Variants in TNR observed in about 807,000 individuals in gnomAD.
TNR encodes tenascin-R.
A neutral mutation model predicts 150.4 loss-of-function variants in TNR; 45 were observed. The ratio of observed to expected loss-of-function variants is 0.30; its 90% CI spans 0.24 to 0.38. The LOEUF (loss-of-function observed/expected upper bound fraction) is 0.38. TNR is among the 10% of genes least tolerant of loss of function. The pLI, the probability that TNR is intolerant of heterozygous loss-of-function variation, is 1.00. For missense variants in TNR, 1,544 were observed against 1,759.1 expected (o/e 0.88, Z 2.19); for synonymous variants, 687 against 678.4 (o/e 1.01, Z -0.20).
intron 2 of TNR, among the ~76,000 whole-genome samples, chr1:175,464,841 T>C (rs369579849): frequency 2.0e-4 from 31 of 152,276 alleles, no homozygotes; most frequent in African/African-American, 6.3e-4. Flanking sequence ...TCTAGTACCC[T>C]GGAGGGGACA....
intron 2 of TNR, among the ~76,000 whole-genome samples, chr1:175,429,944 A>G (rs1004811084): frequency 1.3e-5 from 2 of 151,920 alleles, no homozygotes; most frequent in East Asian, 1.9e-4. Flanking sequence ...ATCACAGCAC[A>G]CTCGCCTGCC....
intron 1 of TNR, among the ~76,000 whole-genome samples, chr1:175,570,169 T>C (rs1401603195): frequency 6.6e-6 from 1 of 152,204 alleles, no homozygotes; most frequent in African/African-American, 2.4e-5. Context: ...CCCGCTCCTT[T>C]TGTGTGGAGA....
chr1:175,448,652 G>A (rs928425906), intron 2 of TNR, among the ~76,000 whole-genome samples: 1 of 152,188 alleles, frequency 6.6e-6, no homozygotes, highest in Non-Finnish European at 1.5e-5. Context: ...AGCTGTGGAG[G>A]CAACCAGAAG....
At chr1:175,581,325 G>A (rs891457135) in intron 1 of TNR, among the ~76,000 whole-genome samples, 4 of 152,168 alleles carry the variant, frequency 2.6e-5, no homozygotes, top group Non-Finnish European at 5.9e-5. Flanking sequence ...TCTTAGACAG[G>A]GGTTCATCTG....
intron 2 of TNR, among the ~76,000 whole-genome samples, chr1:175,497,355 G>T (rs891650176): frequency 2.0e-5 from 3 of 152,180 alleles, no homozygotes; most frequent in African/African-American, 7.2e-5. Flanking sequence ...AATTTGAAAG[G>T]CAAGGGACCA....
At chr1:175,619,943 G>A (rs1352482604) in intron 1 of TNR, among the ~76,000 whole-genome samples, 2 of 152,224 alleles carry the variant, frequency 1.3e-5, no homozygotes, top group African/African-American at 4.8e-5. Context: ...ATGGCCTCTT[G>A]TGTAAATCAC....
rs1648927603 is a variant in TNR, at chr1:175,319,300, CTG to C, written c.*4055_*4056del. 6.6e-6 allele frequency: 1 copy of C among 152,252 alleles called. No homozygotes were observed. The highest frequency in any genetic ancestry group is 1.5e-5 in the Non-Finnish European group (1 of 68,046). 9.4% of individuals were successfully genotyped at this position (152,252 alleles called of 1,614,324 possible). Reference sequence around the variant, plus strand: ...GGTGTATCTAGTGTTCTTGCATGTTCTGTCTTTTCTCCAGAGGAGAGGACAAA... The same window carrying C: ...GGTGTATCTAGTGTTCTTGCATGTTCTCTTTTCTCCAGAGGAGAGGACAAA... On this transcript the variant is annotated 3_prime_UTR_variant, in exon 23 of 23. Transcript: ENST00000367674.
chr1:175,653,943 G>A (rs1444273074), intron 1 of TNR, among the ~76,000 whole-genome samples: 3 of 152,066 alleles, frequency 2.0e-5, no homozygotes, highest in African/African-American at 7.3e-5. Flanking sequence ...GCTTGTGTAA[G>A]TACCATTTAT....
chr1:175,555,225 C>G (rs554155124), intron 1 of TNR, among the ~76,000 whole-genome samples: 1 of 152,106 alleles, frequency 6.6e-6, no homozygotes, highest in African/African-American at 2.4e-5. Context: ...TTCCCCACCC[C>G]CTATAGATAC....
At chr1:175,486,998 A>T (rs113915175) in intron 2 of TNR, among the ~76,000 whole-genome samples, 11 of 152,240 alleles carry the variant, frequency 7.2e-5, no homozygotes, top group African/African-American at 2.6e-4. Context: ...AACTTGTTTA[A>T]GTTCTTTGTA....
chr1:175,716,710 G>C (rs1667162681), intron 1 of TNR, among the ~76,000 whole-genome samples: 1 of 152,184 alleles, frequency 6.6e-6, no homozygotes, highest in South Asian at 2.1e-4. Flanking sequence ...TGATTAGGAT[G>C]AATTAACCAG....
At chr1:175,526,010 G>C in intron 2 of TNR, among the ~76,000 whole-genome samples, 1 of 141,364 alleles carries the variant, frequency 7.1e-6, no homozygotes, top group Admixed American at 6.8e-5. Context: ...CACTTTTGCT[G>C]GTTTTTTTTT....
chr1:175,624,605 T>C (rs1664086022), intron 1 of TNR, among the ~76,000 whole-genome samples: 2 of 152,174 alleles, frequency 1.3e-5, no homozygotes. Flanking sequence ...GAAGAGGTAG[T>C]CCCACTACAG....
At chr1:175,595,245 A>C (rs757915746) in intron 1 of TNR, among the ~76,000 whole-genome samples, 1 of 152,232 alleles carries the variant, frequency 6.6e-6, no homozygotes, top group Non-Finnish European at 1.5e-5. Context: ...TTGGTAGAGA[A>C]TGCATTATGT....
chr1:175,718,163 C>T (rs1247821091), intron 1 of TNR, among the ~76,000 whole-genome samples: 2 of 152,124 alleles, frequency 1.3e-5, no homozygotes, highest in Non-Finnish European at 2.9e-5. Context: ...AGCTGAATTT[C>T]GAGGAGACTG....
Position 175,321,194 on chromosome 1 carries a change from G to A in TNR, c.*2163C>T, listed in dbSNP as rs1649022628. On this transcript the variant is annotated 3_prime_UTR_variant, in exon 23 of 23. Transcript: ENST00000367674. ...TTTTTCCTCCTCCCAGTTTGTTGAA[G>A]CCCATGGTTAACTGAGAAATGCAAG... 6.6e-6 allele frequency: 1 copy of A among 152,192 alleles called. No individual in the cohort carries two copies. Among genetic ancestry groups the A allele is most frequent in the South Asian group, 2.1e-4 (1 of 4,832 alleles). The allele number at this position is 152,192 out of a possible 1,614,324, so 9.4% of individuals were successfully genotyped here. A position where few individuals can be genotyped will look rare whatever the true frequency, so the allele number is the denominator to read the frequency against.
chr1:175,591,943 A>C (rs1157645945), intron 1 of TNR, among the ~76,000 whole-genome samples: 1 of 152,204 alleles, frequency 6.6e-6, no homozygotes. Context: ...ATTTGGATTT[A>C]GCCTGGGAAT....
intron 1 of TNR, among the ~76,000 whole-genome samples, chr1:175,740,571 C>T (rs531027981): frequency 1.8e-4 from 27 of 152,260 alleles, no homozygotes; most frequent in Admixed American, 3.3e-4. Context: ...TGGGTGGCAG[C>T]CCAGCAGTCT....
chr1:175,483,840 GT>G (rs1312340569), intron 2 of TNR, among the ~76,000 whole-genome samples: 2 of 152,138 alleles, frequency 1.3e-5, no homozygotes, highest in Non-Finnish European at 2.9e-5. Flanking sequence ...TAGCCTTTTG[GT>G]TTGTGTTTCA....
Sources: gnomAD v4.1 joint callset for allele counts (sites outside exome capture counted in the v4.1 genomes callset) on GRCh38, gnomAD v4.1.1 for gene constraint, MANE v1.5 for transcripts, NCBI Gene and HGNC (gene_info 2026-07-23, HGNC 2026-07-21) for gene names.